The following CES5A variants were observed in gnomAD, a reference collection of about 807,000 sequenced individuals.
CES5A encodes carboxylesterase 5.
Under a neutral mutation model 62.9 loss-of-function variants are expected in CES5A, and 67 were observed. That is an observed-to-expected ratio of 1.07 (90% CI 0.88 to 1.31). CES5A has a LOEUF of 1.31. Ranked by LOEUF, CES5A falls within the 50% of genes most tolerant of loss-of-function variation. CES5A has a pLI of 0.00. For missense variants in CES5A, 748 were observed against 708.5 expected (o/e 1.06, Z -0.63); for synonymous variants, 296 against 280.8 (o/e 1.05, Z -0.54).
intron 1 of CES5A, among the ~76,000 whole-genome samples, chr16:55,903,115 T>C (rs1428125241): frequency 6.7e-6 from 1 of 148,762 alleles, no homozygotes; most frequent in Non-Finnish European, 1.5e-5. Flanking sequence ...CTCGTTAGTC[T>C]AAAGGGATGC....
chr16:55,884,892 T>A (rs1413321695), intron 1 of CES5A, among the ~76,000 whole-genome samples: 2 of 152,150 alleles, frequency 1.3e-5, no homozygotes, highest in African/African-American at 4.8e-5. Flanking sequence ...GTGCCCGGCC[T>A]TACCACTAAA....
At chr16:55,874,225 C>T (rs1373861103) in intron 1 of CES5A, among the ~76,000 whole-genome samples, 188 bp from the exon 2 acceptor site, 1 of 152,246 alleles carries the variant, frequency 6.6e-6, no homozygotes, top group East Asian at 1.9e-4. Flanking sequence ...GAAGTCACCC[C>T]CATGAAACCA....
chr16:55,954,411 G>A (rs780581462), intron 1 of CES5A, among the ~76,000 whole-genome samples: 3 of 152,160 alleles, frequency 2.0e-5, no homozygotes, highest in Non-Finnish European at 2.9e-5. Flanking sequence ...TCTCATAGTC[G>A]GTCCTGACCG....
chr16:55,942,453 A>C (rs1250365431), intron 2 of CES5A, among the ~76,000 whole-genome samples: 1 of 152,242 alleles, frequency 6.6e-6, no homozygotes, highest in Non-Finnish European at 1.5e-5. Context: ...ATAGCTAATA[A>C]GAAATGGTAT....
At chr16:55,894,498 C>CAAAAAAAAAAAAAAA in intron 1 of CES5A, among the ~76,000 whole-genome samples, 1 of 102,994 alleles carries the variant, frequency 9.7e-6, no homozygotes, top group Non-Finnish European at 1.8e-5. Context: ...AACTCTGTCT[C>CAAAAAAAAAAAAAAA]AAAAAAAAAA....
chr16:55,871,427 C>T (rs562624179), intron 3 of CES5A, among the ~76,000 whole-genome samples, 198 bp downstream of exon 3: 2 of 152,310 alleles, frequency 1.3e-5, no homozygotes, highest in East Asian at 3.9e-4. Context: ...AGTTAAGGCA[C>T]TGCCAATAAA....
chr16:55,949,831 C>G (rs1403492720), exon 2 of CES5A: 5 of 1,524,204 alleles, frequency 3.3e-6, no homozygotes, highest in South Asian at 1.2e-5. Context: ...TCAATACATA[C>G]AAAGTTGAGG....
chr16:55,872,609 G>A (rs974608179), intron 2 of CES5A, among the ~76,000 whole-genome samples: 2 of 152,122 alleles, frequency 1.3e-5, no homozygotes, highest in South Asian at 2.1e-4. Context: ...TACTGTGTAC[G>A]CAATCAATTC....
intron 1 of CES5A, among the ~76,000 whole-genome samples, chr16:55,910,154 T>A (rs1239585668): frequency 1.3e-5 from 2 of 152,178 alleles, no homozygotes; most frequent in African/African-American, 4.8e-5. Flanking sequence ...ATGTGCCCTG[T>A]GGCCACACCC....
At chr16:55,849,950 C>A (rs1283012557) in intron 10 of CES5A, among the ~76,000 whole-genome samples, 177 bp from the exon 11 acceptor site, 1 of 152,208 alleles carries the variant, frequency 6.6e-6, no homozygotes, top group African/African-American at 2.4e-5. Context: ...GTGCTCATAT[C>A]CCTAGTGATG....
intron 1 of CES5A, among the ~76,000 whole-genome samples, chr16:55,953,500 C>G (rs1257459298): frequency 6.6e-6 from 1 of 151,928 alleles, no homozygotes; most frequent in Non-Finnish European, 1.5e-5. Context: ...TTTTAATGTA[C>G]CACAGCAATG....
At chr16:55,860,956 A>C (rs1377808509) in intron 7 of CES5A, among the ~76,000 whole-genome samples, 1 of 152,202 alleles carries the variant, frequency 6.6e-6, no homozygotes, top group Admixed American at 6.5e-5. Flanking sequence ...AGTCAGCTAG[A>C]TTTTGCTTGA....
chr16:55,915,668 C>T (rs551009263), intron 1 of CES5A, among the ~76,000 whole-genome samples: 24 of 152,240 alleles, frequency 1.6e-4, no homozygotes, highest in Admixed American at 5.2e-4. Context: ...CTCCCCCAGG[C>T]GACCTTGGGC....
chr16:55,932,084 T>G (rs748834038), intron 2 of CES5A, among the ~76,000 whole-genome samples: 12 of 152,314 alleles, frequency 7.9e-5, no homozygotes, highest in African/African-American at 1.2e-4. Flanking sequence ...AGGACTGGGT[T>G]GGTTATCACA....
intron 2 of CES5A, among the ~76,000 whole-genome samples, chr16:55,942,169 C>A (rs1439845588): frequency 2.0e-5 from 3 of 152,052 alleles, no homozygotes; most frequent in African/African-American, 7.2e-5. Context: ...TTAGATTAGA[C>A]AAAGATTTCT....
At chr16:55,946,860 G>T (rs1239566847) in intron 2 of CES5A, among the ~76,000 whole-genome samples, 1 of 152,192 alleles carries the variant, frequency 6.6e-6, no homozygotes, top group East Asian at 1.9e-4. Context: ...TGGACCACCA[G>T]GTTAGCCAAG....
chr16:55,898,794 C>T (rs1210115138), intron 1 of CES5A, among the ~76,000 whole-genome samples: 1 of 152,170 alleles, frequency 6.6e-6, no homozygotes, highest in African/African-American at 2.4e-5. Context: ...CCAGGAAGAC[C>T]AGGGCATGGT....
chr16:55,898,453 A>G (rs1272859949), intron 1 of CES5A, among the ~76,000 whole-genome samples: 2 of 152,222 alleles, frequency 1.3e-5, no homozygotes, highest in Admixed American at 6.5e-5. Flanking sequence ...TTTTCAGGAA[A>G]AACATAATTG....
intron 1 of CES5A, among the ~76,000 whole-genome samples, chr16:55,914,918 G>A (rs1338154076): frequency 1.3e-5 from 2 of 152,110 alleles, no homozygotes; most frequent in Admixed American, 6.5e-5. Context: ...TAACATTAGG[G>A]AAAGCTCAGT....
Sources: allele counts gnomAD v4.1 joint callset (sites outside exome capture counted in the v4.1 genomes callset), GRCh38; gene constraint gnomAD v4.1.1; transcripts MANE v1.5; gene names NCBI Gene and HGNC (gene_info 2026-07-23, HGNC 2026-07-21).